OR56B2: variants seen among roughly 807,000 people sequenced by gnomAD.
OR56B2 encodes olfactory receptor family 56 subfamily B member 2.
the OR56B2 span, among the ~76,000 whole-genome samples, chr11:5,762,949 T>C: frequency 6.6e-6 from 1 of 152,084 alleles, no homozygotes; most frequent in African/African-American, 2.4e-5. Flanking sequence ...AATGTTATTA[T>C]CATTTCACAA....
chr11:5,762,110 C>A, the OR56B2 span, among the ~76,000 whole-genome samples: 4 of 152,000 alleles, frequency 2.6e-5, no homozygotes, highest in African/African-American at 4.8e-5. Context: ...GTACAGTTTT[C>A]TTCCAAGCAG....
the OR56B2 span, among the ~76,000 whole-genome samples, chr11:5,762,418 C>T: frequency 6.6e-6 from 1 of 151,928 alleles, no homozygotes; most frequent in Non-Finnish European, 1.5e-5. Flanking sequence ...GATAATTTTG[C>T]ATGTTGTTTT....
the OR56B2 span, chr11:5,766,921 T>C: frequency 7.1e-6 from 1 of 140,146 alleles, no homozygotes; most frequent in South Asian, 2.3e-4. Flanking sequence ...CAAAAACCTG[T>C]ACACAAATGT....
At chr11:5,765,699 A>T in the OR56B2 span, 14 of 140,334 alleles carry the variant, frequency 1.0e-4, 4 homozygotes, top group East Asian at 2.3e-3. Flanking sequence ...TGATCGAAGA[A>T]TCAATAGCAT....
the OR56B2 span, chr11:5,766,856 A>G: frequency 7.2e-6 from 1 of 139,646 alleles, no homozygotes; most frequent in East Asian, 2.1e-4. Flanking sequence ...TTAACATATG[A>G]CCCAGGACCC....
At chr11:5,762,713 A>G in the OR56B2 span, among the ~76,000 whole-genome samples, 59 of 151,888 alleles carry the variant, frequency 3.9e-4, 1 homozygote, top group Admixed American at 3.1e-3. Flanking sequence ...ATGTACACTG[A>G]ACATCTGTAC....
the OR56B2 span, chr11:5,765,168 T>G: frequency 4.6e-5 from 8 of 173,040 alleles, 2 homozygotes; most frequent in Non-Finnish European, 9.2e-5. Flanking sequence ...CCTGATGGGA[T>G]TCCCTGGCAT....
At chr11:5,765,521 A>T in the OR56B2 span, 6 of 140,532 alleles carry the variant, frequency 4.3e-5, 2 homozygotes, top group African/African-American at 1.6e-4. Flanking sequence ...GATATCCATC[A>T]ATCATCACTG....
chr11:5,767,073 G>GGGTA, the OR56B2 span: 4 of 139,730 alleles, frequency 2.9e-5, 1 homozygote, highest in East Asian at 8.3e-4. Flanking sequence ...TCTGCAGGCA[G>GGGTA]GGTACTTCAA....
the OR56B2 span, among the ~76,000 whole-genome samples, chr11:5,763,138 A>T: frequency 6.6e-6 from 1 of 152,112 alleles, no homozygotes; most frequent in South Asian, 2.1e-4. Flanking sequence ...AATCTATAAG[A>T]ATCAGTATGT....
At chr11:5,768,654 G>A in the OR56B2 span, among the ~76,000 whole-genome samples, 1 of 139,404 alleles carries the variant, frequency 7.2e-6, no homozygotes, top group Non-Finnish European at 1.6e-5. Context: ...TTTCCATAGA[G>A]GTCGTACTAA....
chr11:5,762,392 G>GT, the OR56B2 span, among the ~76,000 whole-genome samples: 1 of 151,876 alleles, frequency 6.6e-6, no homozygotes, highest in Non-Finnish European at 1.5e-5. Context: ...AATGTCATTT[G>GT]TTTTTTATGG....
At chr11:5,765,609 G>T in the OR56B2 span, 4 of 140,516 alleles carry the variant, frequency 2.8e-5, 1 homozygote, top group African/African-American at 1.0e-4. Flanking sequence ...TCTGTTGGCT[G>T]CCCAGAGGCA....
At chr11:5,762,281 T>C in the OR56B2 span, among the ~76,000 whole-genome samples, 1 of 152,138 alleles carries the variant, frequency 6.6e-6, no homozygotes, top group Non-Finnish European at 1.5e-5. Context: ...CTATACTCTC[T>C]AGCAATTTAA....
At chr11:5,763,106 C>A in the OR56B2 span, among the ~76,000 whole-genome samples, 1 of 152,012 alleles carries the variant, frequency 6.6e-6, no homozygotes, top group Admixed American at 6.6e-5. Context: ...TAACCTGAGT[C>A]TCTTTTTTAA....
the OR56B2 span, among the ~76,000 whole-genome samples, chr11:5,768,231 T>C: frequency 7.3e-6 from 1 of 137,482 alleles, no homozygotes; most frequent in South Asian, 2.4e-4. Context: ...CATCTGCCCA[T>C]CCCCCAAATC....
the OR56B2 span, among the ~76,000 whole-genome samples, chr11:5,763,056 A>C: frequency 3.9e-5 from 6 of 152,040 alleles, no homozygotes; most frequent in Admixed American, 2.0e-4. Context: ...CAAATTTTGT[A>C]TTAAAGTTTC....
At chr11:5,764,901 T>G in the OR56B2 span, among the ~76,000 whole-genome samples, 2 of 139,614 alleles carry the variant, frequency 1.4e-5, 1 homozygote, top group Non-Finnish European at 3.2e-5. Context: ...CCTTATAGAG[T>G]ATTACAGATG....
At chr11:5,762,244 C>T in the OR56B2 span, among the ~76,000 whole-genome samples, 1 of 151,852 alleles carries the variant, frequency 6.6e-6, no homozygotes, top group Non-Finnish European at 1.5e-5. Flanking sequence ...TGGACCCTTA[C>T]TTCATTGAAG....
Sources: gnomAD v4.1 joint callset for allele counts (sites outside exome capture counted in the v4.1 genomes callset) on GRCh38, gnomAD v4.1.1 for gene constraint, MANE v1.5 for transcripts, NCBI Gene and HGNC (gene_info 2026-07-23, HGNC 2026-07-21) for gene names.